Variants in PCP4 observed in about 807,000 individuals in gnomAD.
PCP4 encodes the protein Purkinje cell protein 4, also known as calmodulin regulator protein PCP4.
In PCP4, 8 loss-of-function variants were observed where a neutral mutation model predicts 10.0. The ratio of observed to expected loss-of-function variants is 0.80; its 90% CI spans 0.47 to 1.45. PCP4 has a LOEUF of 1.45. PCP4 is among the 40% of genes most tolerant of loss of function. PCP4 has a pLI of 0.00. For synonymous variants in PCP4, 21 were observed against 23.0 expected (o/e 0.91, Z 0.24); for missense variants, 54 against 74.4 (o/e 0.73, Z 1.01).
In PCP4 at chr21:39,898,078, G is replaced by A. The variant is rs535991201; in HGVS notation, c.10-398G>A. Among the ~76,000 whole-genome samples the A allele has an allele frequency of 2.7e-5, 4 of 150,308 alleles. No homozygotes were observed. In the South Asian group the frequency reaches 8.4e-4, roughly 32 times the overall value. ...AAAAAAAAAAAAAAAGAAGACATTG[G>A]ACATGGTGACTGGAACGAAAATACA... On this transcript the variant is annotated intron_variant, in intron 1 of 2. Transcript: ENST00000328619.
intron 1 of PCP4, among the ~76,000 whole-genome samples, chr21:39,891,232 T>C (rs1026849350): frequency 1.3e-5 from 2 of 152,354 alleles, no homozygotes; most frequent in Non-Finnish European, 2.9e-5. Flanking sequence ...ACCTCTCATG[T>C]GTCACTAGGC....
At chr21:39,896,889 G>A (rs1428160076) in intron 1 of PCP4, among the ~76,000 whole-genome samples, 2 of 152,048 alleles carry the variant, frequency 1.3e-5, no homozygotes, top group East Asian at 3.9e-4. Flanking sequence ...GAATTTTGAG[G>A]GTACCTTATC....
In PCP4 at chr21:39,880,628, G is replaced by T. The variant is rs1465834593; in HGVS notation, c.9+13118G>T. ...GTGAAAGCATCCGCTGGCCAGTTTTGTCCCACGTCTTTTTCTATCAAGTCT... is the reference window on the plus strand; with the variant it reads ...GTGAAAGCATCCGCTGGCCAGTTTTTTCCCACGTCTTTTTCTATCAAGTCT... On this transcript the variant is annotated intron_variant, in intron 1 of 2. Coordinates refer to ENST00000328619, the MANE Select transcript of PCP4 (RefSeq NM_006198.3). 1.6e-4 allele frequency among the ~76,000 whole-genome samples: 25 copies of T among 152,296 alleles called. 1 individual carries two copies. In the South Asian group the frequency reaches 2.7e-3, roughly 16 times the overall value.
chr21:39,907,436 G>C (rs563160251), intron 2 of PCP4, among the ~76,000 whole-genome samples: 1 of 152,250 alleles, frequency 6.6e-6, no homozygotes, highest in Admixed American at 6.5e-5. Flanking sequence ...CTGGAGGAGC[G>C]GACAGACAGG....
At chr21:39,917,842 T>C (rs2087576618) in intron 2 of PCP4, among the ~76,000 whole-genome samples, 1 of 152,142 alleles carries the variant, frequency 6.6e-6, no homozygotes, top group Non-Finnish European at 1.5e-5. Flanking sequence ...AATGTGATCT[T>C]ATTTGGAGAT....
chr21:39,888,335 C>T (rs17753847), intron 1 of PCP4, among the ~76,000 whole-genome samples: 12,542 of 152,294 alleles, frequency 0.082, 613 homozygotes, highest in Middle Eastern at 0.17. Flanking sequence ...AAAGAGGACT[C>T]AGGAACAAAT....
At chr21:39,898,359 C>T in intron 1 of PCP4, 117 bp from the exon 2 acceptor site, 1 of 860,448 alleles carries the variant, frequency 1.2e-6, no homozygotes, top group Non-Finnish European at 2.0e-6. Context: ...GCCATCTGAG[C>T]TAAAGTAACA....
intron 1 of PCP4, among the ~76,000 whole-genome samples, chr21:39,889,917 C>T (rs1279291123): frequency 1.3e-5 from 2 of 152,160 alleles, no homozygotes; most frequent in Non-Finnish European, 2.9e-5. Context: ...AAAGATGGAA[C>T]AAAGTGTACT....
intron 2 of PCP4, among the ~76,000 whole-genome samples, chr21:39,922,629 G>A (rs1192040337): frequency 6.6e-6 from 1 of 152,174 alleles, no homozygotes; most frequent in Non-Finnish European, 1.5e-5. Context: ...CATTGGCAGA[G>A]CTCTGTGTCA....
chr21:39,894,158 A>T (rs1231318987), intron 1 of PCP4, among the ~76,000 whole-genome samples: 1 of 152,214 alleles, frequency 6.6e-6, no homozygotes, highest in Non-Finnish European at 1.5e-5. Flanking sequence ...TGCAAGACTC[A>T]TGGTGGCATT....
chr21:39,874,932 C>A lies in PCP4; in HGVS notation c.9+7422C>A, dbSNP rs550883628. 7.4e-4 allele frequency among the ~76,000 whole-genome samples: 112 copies of A among 152,210 alleles called. 1 individual carries two copies. Among genetic ancestry groups the A allele is most frequent in the African/African-American group, 2.5e-3 (104 of 41,524 alleles). ...AGGTAGTGTAGACAGTGTGGATACGCTGGGCAGATGAATGATTCATGTTCT... is the reference window on the plus strand; with the variant it reads ...AGGTAGTGTAGACAGTGTGGATACGATGGGCAGATGAATGATTCATGTTCT... On this transcript the variant is annotated intron_variant, in intron 1 of 2. Transcript: ENST00000328619.
At chr21:39,915,850 G>T (rs1367188910) in intron 2 of PCP4, among the ~76,000 whole-genome samples, 1 of 152,176 alleles carries the variant, frequency 6.6e-6, no homozygotes, top group African/African-American at 2.4e-5. Flanking sequence ...GGATAACCAT[G>T]TGCTCAGCCC....
At chr21:39,905,646 G>C (rs1359555612) in intron 2 of PCP4, among the ~76,000 whole-genome samples, 1 of 152,124 alleles carries the variant, frequency 6.6e-6, no homozygotes, top group African/African-American at 2.4e-5. Context: ...GATAAGTATG[G>C]TGCTTCTGAT....
chr21:39,899,988 T>TAC (rs140600873), intron 2 of PCP4, among the ~76,000 whole-genome samples: 21,135 of 152,002 alleles, frequency 0.14, 1,667 homozygotes, highest in Middle Eastern at 0.23. Flanking sequence ...ACCTTAGAAT[T>TAC]AGAGTTTTAC....
At chr21:39,897,462 C>T (rs980459038) in intron 1 of PCP4, among the ~76,000 whole-genome samples, 7 of 149,890 alleles carry the variant, frequency 4.7e-5, no homozygotes, top group African/African-American at 1.7e-4. Flanking sequence ...TTTTTGATAA[C>T]AACCAAAAAA....
At chr21:39,927,335 ATCTG>A (rs754072415) in intron 2 of PCP4, among the ~76,000 whole-genome samples, 6,044 of 76,204 alleles carry the variant, frequency 0.079, 175 homozygotes, top group South Asian at 0.18. Context: ...CTATCTATCT[ATCTG>A]TCTATCTATC....
chr21:39,891,625 G>A (rs374913858), intron 1 of PCP4, among the ~76,000 whole-genome samples: 3 of 152,220 alleles, frequency 2.0e-5, no homozygotes, highest in East Asian at 3.9e-4. Context: ...CGCGTAGACC[G>A]GCAGTGGCCC....
At chr21:39,921,298 C>A (rs905900008) in intron 2 of PCP4, among the ~76,000 whole-genome samples, 1 of 152,206 alleles carries the variant, frequency 6.6e-6, no homozygotes, top group Non-Finnish European at 1.5e-5. Context: ...AGTAGCACAA[C>A]CCCACAGGAT....
chr21:39,929,244 T>C lies in PCP4; in HGVS notation c.*133T>C. 2 of 761,644 alleles carry C rather than the reference T, an allele frequency of 2.6e-6. No individual in the cohort carries two copies. The highest frequency in any genetic ancestry group is 4.1e-6 in the Non-Finnish European group (2 of 482,044). The allele number at this position is 761,644 out of a possible 1,614,324, so 47.2% of individuals were successfully genotyped here. ...ACACGCATAGCAAACCTCCAATGCATGTACAGAAACCTGTGATATTTATAC... is the reference window on the plus strand; with the variant it reads ...ACACGCATAGCAAACCTCCAATGCACGTACAGAAACCTGTGATATTTATAC... On this transcript the variant is annotated 3_prime_UTR_variant, in exon 3 of 3. Coordinates refer to ENST00000328619, the MANE Select transcript of PCP4 (RefSeq NM_006198.3).
Sources: allele counts gnomAD v4.1 joint callset (sites outside exome capture counted in the v4.1 genomes callset), GRCh38; gene constraint gnomAD v4.1.1; transcripts MANE v1.5; gene names NCBI Gene and HGNC (gene_info 2026-07-23, HGNC 2026-07-21).